Variants in STK38 observed in about 807,000 individuals in gnomAD.
STK38 encodes the protein serine/threonine kinase 38.
A neutral mutation model predicts 59.0 loss-of-function variants in STK38; 26 were observed. That is an observed-to-expected ratio of 0.44 (90% CI 0.32 to 0.61). The LOEUF is 0.61. Among genes scored for constraint, STK38 ranks in the 20% least tolerant of loss-of-function variants. The probability of loss-of-function intolerance (pLI) is 0.04; values close to 1 mark genes in which losing one functional copy is unlikely to be tolerated. For missense variants in STK38, 433 were observed against 566.0 expected, an observed-to-expected ratio of 0.76 and a Z score of 2.38; for synonymous variants, 175 against 176.6, an observed-to-expected ratio of 0.99 and a Z score of 0.07.
intron 7 of STK38, among the ~76,000 whole-genome samples, chr6:36,512,467 G>C (rs1170217492): frequency 6.6e-6 from 1 of 152,164 alleles, no homozygotes; most frequent in Non-Finnish European, 1.5e-5. Context: ...GGTAGGGCCA[G>C]TGCTTTATTA....
At chr6:36,529,828 C>T (rs1392847299) in intron 2 of STK38, among the ~76,000 whole-genome samples, 1 of 152,160 alleles carries the variant, frequency 6.6e-6, no homozygotes, top group Non-Finnish European at 1.5e-5. Flanking sequence ...AATTTAGGGT[C>T]CCCTCTTGGC....
intron 13 of STK38, 31 bp downstream of exon 13, chr6:36,496,680 A>C (rs750336708): frequency 1.8e-5 from 28 of 1,515,528 alleles, no homozygotes; most frequent in Non-Finnish European, 2.7e-6. Flanking sequence ...TGTGCTTATA[A>C]GGCAGCAGGA....
At position 36,494,492 on chromosome 6, in the gene STK38, A is replaced by C. The variant is rs1776651844; in HGVS notation, c.*1292T>G. ...ACATTTTTCTGACGAAATTCCTCTAAAGGTGGTGGCAGCTGTGAAACAGAA... is the reference window on the plus strand; with the variant it reads ...ACATTTTTCTGACGAAATTCCTCTACAGGTGGTGGCAGCTGTGAAACAGAA... On this transcript the variant is annotated 3_prime_UTR_variant, in exon 14 of 14. Coordinates refer to ENST00000229812, the MANE Select transcript of STK38 (RefSeq NM_007271.4). 6.6e-6 allele frequency: 1 copy of C among 152,626 alleles called. No homozygotes were observed. Among genetic ancestry groups the C allele is most frequent in the Non-Finnish European group, 1.5e-5 (1 of 68,034 alleles). The allele number at this position is 152,626 out of a possible 1,614,324, so 9.5% of individuals were successfully genotyped here. A position where few individuals can be genotyped will look rare whatever the true frequency, so the allele number is the denominator to read the frequency against.
At chr6:36,530,691 C>CTTTT (rs760949624) in intron 2 of STK38, among the ~76,000 whole-genome samples, 13 of 122,668 alleles carry the variant, frequency 1.1e-4, no homozygotes, top group African/African-American at 4.1e-4. Context: ...CTTTTCTTTT[C>CTTTT]TTTTTTTTTT....
At chr6:36,524,498 G>T in intron 3 of STK38, 35 bp from the exon 4 acceptor site, 1 of 1,568,056 alleles carries the variant, frequency 6.4e-7, no homozygotes, top group Middle Eastern at 1.7e-4. Flanking sequence ...GAGACGGGAA[G>T]GAACTGAAAT....
chr6:36,518,626 T>C (rs112845031), intron 5 of STK38, among the ~76,000 whole-genome samples: 9,201 of 152,182 alleles, frequency 0.06, 639 homozygotes, highest in Admixed American at 0.17. Flanking sequence ...GGCGTGATCA[T>C]AGCTCACTGA....
At chr6:36,517,924 G>C in intron 5 of STK38, 84 bp from the exon 6 acceptor site, 2 of 1,470,962 alleles carry the variant, frequency 1.4e-6, no homozygotes, top group Non-Finnish European at 1.8e-6. Flanking sequence ...TAAATACTGT[G>C]CTTAAATACT....
At chr6:36,519,110 G>A (rs1168168110) in intron 5 of STK38, among the ~76,000 whole-genome samples, 1 of 152,080 alleles carries the variant, frequency 6.6e-6, no homozygotes, top group East Asian at 1.9e-4. Flanking sequence ...TTGACTTTAT[G>A]TATTTGAGTT....
intron 10 of STK38, among the ~76,000 whole-genome samples, chr6:36,499,217 A>G (rs1028802902): frequency 6.6e-6 from 1 of 152,238 alleles, no homozygotes; most frequent in Admixed American, 6.5e-5. Flanking sequence ...AAAAAAGCAT[A>G]GATTTTAAAA....
At chr6:36,528,169 C>T (rs991268063) in intron 2 of STK38, among the ~76,000 whole-genome samples, 2 of 151,538 alleles carry the variant, frequency 1.3e-5, no homozygotes, top group Admixed American at 6.6e-5. Flanking sequence ...TTGTGGCTGA[C>T]GCACACAGCA....
At chr6:36,501,246 C>T (rs1375631211) in intron 9 of STK38, among the ~76,000 whole-genome samples, 1 of 151,218 alleles carries the variant, frequency 6.6e-6, no homozygotes, top group Non-Finnish European at 1.5e-5. Context: ...AGCCACCGCA[C>T]CTGACCAAGA....
chr6:36,497,938 CTTTTTTTTT>C (rs147832342), intron 11 of STK38, 63 bp from the exon 12 acceptor site: 4 of 656,790 alleles, frequency 6.1e-6, no homozygotes, highest in African/African-American at 4.2e-5. Flanking sequence ...GAAAAACTTT[CTTTTTTTTT>C]TTTTTTTTTT....
At chr6:36,525,032 C>G (rs1777477006) in intron 3 of STK38, among the ~76,000 whole-genome samples, 1 of 151,992 alleles carries the variant, frequency 6.6e-6, no homozygotes, top group Non-Finnish European at 1.5e-5. Flanking sequence ...GATATTTTGC[C>G]TTAATAAAGA....
At chr6:36,529,222 A>G (rs1777610150) in intron 2 of STK38, among the ~76,000 whole-genome samples, 1 of 152,228 alleles carries the variant, frequency 6.6e-6, no homozygotes, top group African/African-American at 2.4e-5. Context: ...TGCATACTTG[A>G]CAGTATGTAG....
intron 2 of STK38, 124 bp from the exon 3 acceptor site, chr6:36,525,766 C>T: frequency 1.5e-6 from 1 of 681,600 alleles, no homozygotes; most frequent in Non-Finnish European, 2.3e-6. Flanking sequence ...CAAAATGTCT[C>T]ATTAAAACAA....
rs776861014 is a variant in STK38 at position 36,525,603 on chromosome 6, T to C, written c.171A>G (p.Leu57=). The C allele has an allele frequency of 1.9e-6, 3 of 1,613,942 alleles. No homozygotes were observed. The highest frequency in any genetic ancestry group is 2.5e-6 in the Non-Finnish European group (3 of 1,179,854). ...CAATATTAATTACCTCCTCATCTTTTAGGCCTTCTTCTTCCATCACCTTTT... is the reference window on the plus strand; with the variant it reads ...CAATATTAATTACCTCCTCATCTTTCAGGCCTTCTTCTTCCATCACCTTTT... ...KLEKVMEEEG[L]KDEEKRLRRS... Residue 57 remains leucine, a synonymous_variant, in exon 3 of 14, where the codon CTA becomes CTG. Coordinates refer to ENST00000229812, the MANE Select transcript of STK38 (RefSeq NM_007271.4).
intron 7 of STK38, among the ~76,000 whole-genome samples, chr6:36,512,910 T>C (rs1363325769): frequency 6.6e-6 from 1 of 152,232 alleles, no homozygotes; most frequent in Non-Finnish European, 1.5e-5. Context: ...TCCACCTGCC[T>C]TGGCCTACCA....
chr6:36,520,048 T>C (rs1777343847), intron 5 of STK38, among the ~76,000 whole-genome samples: 1 of 152,190 alleles, frequency 6.6e-6, no homozygotes, highest in African/African-American at 2.4e-5. Context: ...GGTGATGAAT[T>C]TGCACTGGTC....
intron 12 of STK38, 46 bp from the exon 13 acceptor site, chr6:36,496,851 T>C (rs774553939): frequency 1.4e-6 from 2 of 1,381,362 alleles, no homozygotes; most frequent in Non-Finnish European, 2.1e-6. Flanking sequence ...AGTAATCAAA[T>C]GGATCATACC....
Sources: allele counts gnomAD v4.1 joint callset (sites outside exome capture counted in the v4.1 genomes callset), GRCh38; gene constraint gnomAD v4.1.1; transcripts MANE v1.5; gene names NCBI Gene and HGNC (gene_info 2026-07-23, HGNC 2026-07-21).